AUTS2: variants seen among roughly 807,000 people sequenced by gnomAD.
AUTS2 encodes activator of transcription and developmental regulator AUTS2.
Under a neutral mutation model 112.4 loss-of-function variants are expected in AUTS2, and 17 were observed. That is an observed-to-expected ratio of 0.15 (90% CI 0.10 to 0.23). AUTS2 has a LOEUF of 0.23. AUTS2 is among the 10% of genes least tolerant of loss of function. The pLI, the probability that AUTS2 is intolerant of heterozygous loss-of-function variation, is 1.00. For synonymous variants in AUTS2, 751 were observed against 702.7 expected, an observed-to-expected ratio of 1.07 and a Z score of -1.09; for missense variants, 1,510 against 1,701.6, an observed-to-expected ratio of 0.89 and a Z score of 1.98.
chr7:70,316,399 ATTTTTT>A (rs398005114), intron 4 of AUTS2, among the ~76,000 whole-genome samples: 7 of 92,752 alleles, frequency 7.5e-5, no homozygotes, highest in South Asian at 3.9e-4. Flanking sequence ...CCAGGTCTCT[ATTTTTT>A]TTTTTTTTTT....
chr7:69,766,373 C>T (rs1409101687), intron 1 of AUTS2, among the ~76,000 whole-genome samples: 1 of 152,178 alleles, frequency 6.6e-6, no homozygotes, highest in Non-Finnish European at 1.5e-5. Flanking sequence ...GGGTTGCTTC[C>T]ACTCTTGGCT....
chr7:70,404,624 C>T (rs1411802222), intron 4 of AUTS2, among the ~76,000 whole-genome samples: 1 of 152,128 alleles, frequency 6.6e-6, no homozygotes, highest in African/African-American at 2.4e-5. Context: ...GGCTTTGCTA[C>T]CCACTACCTT....
chr7:70,081,002 C>G (rs959320136), intron 2 of AUTS2, among the ~76,000 whole-genome samples: 5 of 152,132 alleles, frequency 3.3e-5, no homozygotes, highest in Non-Finnish European at 5.9e-5. Context: ...GGACACAAAG[C>G]AGGCAATTTA....
chr7:70,416,245 C>T (rs900295626), intron 4 of AUTS2, among the ~76,000 whole-genome samples: 2 of 152,194 alleles, frequency 1.3e-5, no homozygotes, highest in African/African-American at 4.8e-5. Context: ...CTTCAATAGT[C>T]TATGCCTTCA....
intron 1 of AUTS2, among the ~76,000 whole-genome samples, chr7:69,813,729 G>A (rs948460135): frequency 5.3e-5 from 8 of 152,268 alleles, no homozygotes; most frequent in Non-Finnish European, 1.2e-4. Flanking sequence ...TTTGAATCTT[G>A]TGTGTAATTC....
intron 5 of AUTS2, among the ~76,000 whole-genome samples, chr7:70,497,249 C>T (rs938075492): frequency 2.7e-5 from 4 of 148,334 alleles, no homozygotes; most frequent in South Asian, 2.2e-4. Context: ...ACACACACCA[C>T]GTACACAGTC....
At chr7:69,747,065 T>C (rs1449353191) in intron 1 of AUTS2, among the ~76,000 whole-genome samples, 1 of 152,194 alleles carries the variant, frequency 6.6e-6, no homozygotes, top group East Asian at 1.9e-4. Flanking sequence ...ATCTGTGTTT[T>C]CACAAATCCC....
At chr7:70,121,927 C>T (rs1454767785) in intron 3 of AUTS2, among the ~76,000 whole-genome samples, 1 of 152,144 alleles carries the variant, frequency 6.6e-6, no homozygotes, top group Non-Finnish European at 1.5e-5. Flanking sequence ...GTAGAAACAA[C>T]CCATGTGTTT....
chr7:69,888,540 G>GATATAT (rs60804022), intron 1 of AUTS2, among the ~76,000 whole-genome samples: 4,829 of 98,894 alleles, frequency 0.049, 154 homozygotes, highest in Non-Finnish European at 0.054. Context: ...CAACATTGGG[G>GATATAT]ATATATATAT....
At chr7:70,477,789 A>G (rs780295836) in intron 5 of AUTS2, among the ~76,000 whole-genome samples, 41 of 152,242 alleles carry the variant, frequency 2.7e-4, no homozygotes, top group Non-Finnish European at 5.0e-4. Flanking sequence ...CTTGATGTGT[A>G]CTGGGAATCC....
At chr7:70,376,564 T>C (rs191954942) in intron 4 of AUTS2, among the ~76,000 whole-genome samples, 4 of 151,994 alleles carry the variant, frequency 2.6e-5, no homozygotes, top group African/African-American at 9.6e-5. Context: ...CTCTTACTGC[T>C]GCTTGCTTTG....
chr7:70,415,851 C>T (rs997943093), intron 4 of AUTS2, among the ~76,000 whole-genome samples: 2 of 152,210 alleles, frequency 1.3e-5, no homozygotes, highest in East Asian at 1.9e-4. Flanking sequence ...CACACACAGA[C>T]GTTAACCAGT....
intron 2 of AUTS2, among the ~76,000 whole-genome samples, chr7:69,923,214 C>A (rs769844789): frequency 1.2e-4 from 18 of 152,114 alleles, no homozygotes; most frequent in Non-Finnish European, 1.9e-4. Flanking sequence ...TTCAATTTTT[C>A]TGAAGGCATT....
chr7:70,555,107 A>G (rs1296359943), intron 5 of AUTS2, among the ~76,000 whole-genome samples: 1 of 152,220 alleles, frequency 6.6e-6, no homozygotes, highest in Non-Finnish European at 1.5e-5. Flanking sequence ...GTCATTTACT[A>G]TGAAAGATAC....
At chr7:70,698,878 A>G (rs1385013166) in intron 6 of AUTS2, 15 of 336,108 alleles carry the variant, frequency 4.5e-5, no homozygotes, top group Non-Finnish European at 4.8e-5. Context: ...TGACTTTAAT[A>G]TAGAAAGCTG....
chr7:69,966,271 A>G (rs1797632937), intron 2 of AUTS2, among the ~76,000 whole-genome samples: 2 of 152,182 alleles, frequency 1.3e-5, no homozygotes, highest in South Asian at 4.1e-4. Flanking sequence ...ACAGTGGGTC[A>G]TACATGCTCC....
Position 70,474,629 on chromosome 7 carries a change from G to A in AUTS2, c.690+38848G>A, listed in dbSNP as rs115364592. 3.8e-3 allele frequency among the ~76,000 whole-genome samples: 582 copies of A among 152,188 alleles called. 4 individuals carry two copies. Among genetic ancestry groups the A allele is most frequent in the African/African-American group, 0.013 (559 of 41,508 alleles). On this transcript the variant is annotated intron_variant, in intron 5 of 18. Transcript: ENST00000342771. ...TCCTTTCCATTTACCTCATTTATTC[G>A]TCTTATTTAGGGGAAGCGCAGTTCA...
intron 2 of AUTS2, among the ~76,000 whole-genome samples, chr7:69,951,670 C>T (rs971921986): frequency 3.3e-5 from 5 of 152,092 alleles, no homozygotes; most frequent in Non-Finnish European, 7.4e-5. Context: ...TCAGAAGAGG[C>T]GATTCCAGGA....
intron 4 of AUTS2, among the ~76,000 whole-genome samples, chr7:70,157,888 G>A (rs1474252457): frequency 6.6e-6 from 1 of 152,220 alleles, no homozygotes; most frequent in African/African-American, 2.4e-5. Flanking sequence ...CTTACAATGG[G>A]AGTGGGAGGA....
Sources: gnomAD v4.1 joint callset for allele counts (sites outside exome capture counted in the v4.1 genomes callset) on GRCh38, gnomAD v4.1.1 for gene constraint, MANE v1.5 for transcripts, NCBI Gene and HGNC (gene_info 2026-07-23, HGNC 2026-07-21) for gene names.